The following SLC37A2 variants were observed in gnomAD, a reference collection of about 807,000 sequenced individuals.
SLC37A2 encodes the protein solute carrier family 37 member 2.
SLC37A2 carries 59 observed loss-of-function variants against 70.7 expected under a neutral mutation model. The ratio of observed to expected loss-of-function variants is 0.83; its 90% CI spans 0.68 to 1.04. The LOEUF (loss-of-function observed/expected upper bound fraction) is 1.04. SLC37A2 is among the 50% of genes least tolerant of loss of function. The pLI is 0.00. For missense variants in SLC37A2, 580 were observed against 658.1 expected, an observed-to-expected ratio of 0.88 and a Z score of 1.30; for synonymous variants, 257 against 262.1, an observed-to-expected ratio of 0.98 and a Z score of 0.19.
chr11:125,075,755 G>A (rs1421080969), intron 1 of SLC37A2, among the ~76,000 whole-genome samples: 4 of 152,216 alleles, frequency 2.6e-5, no homozygotes, highest in Non-Finnish European at 4.4e-5. Context: ...CTGGGGTGTG[G>A]AGGAGGATTC....
In SLC37A2 at chr11:125,071,963, T is replaced by C. The variant is rs140360879; in HGVS notation, c.60-4794T>C. ...AGAACAGTCACGTCCGAGAAGAGAC[T>C]ACTGAATCCATTTTCTCTGGACAAG... On this transcript the variant is annotated intron_variant, in intron 1 of 17. Transcript: ENST00000403796. Among the ~76,000 whole-genome samples, 23 of 152,270 alleles carry C rather than the reference T, an allele frequency of 1.5e-4. No homozygotes were observed. In the East Asian group the frequency reaches 3.9e-3, roughly 26 times the overall value.
intron 17 of SLC37A2, chr11:125,086,746 T>C (rs1422702453): frequency 6.4e-5 from 15 of 233,350 alleles, no homozygotes; most frequent in Non-Finnish European, 1.3e-4. Context: ...GGTCAGTGGC[T>C]GAGGCTACAC....
At position 125,083,858 on chromosome 11, in the gene SLC37A2, C is replaced by T. The variant is rs771588739; in HGVS notation, c.1020C>T (p.Phe340=). 11 of 1,614,142 alleles carry T rather than the reference C, an allele frequency of 6.8e-6. No homozygotes were observed. Among genetic ancestry groups the T allele is most frequent in the Admixed American group, 3.3e-5 (2 of 60,020 alleles). The stretch of plus-strand genomic sequence containing the variant: ...AGGCTGGGGACCTGTCTACACTCTT[C>T]GATGTTGGTGGCATCATAGGTGAGG... The part of the protein sequence containing the change: ...AKEAGDLSTL[F]DVGGIIGGIV... The change falls in exon 11 of 18, where the codon TTC becomes TTT. Residue 340 remains phenylalanine, a synonymous_variant. Coordinates refer to ENST00000403796, the MANE Select transcript of SLC37A2 (RefSeq NM_001145290.2). The surrounding 1 kb of genome is among the most constrained non-coding windows in gnomAD (Gnocchi z 4.6).
chr11:125,068,129 C>A (rs1289510033), intron 1 of SLC37A2, among the ~76,000 whole-genome samples: 1 of 152,172 alleles, frequency 6.6e-6, no homozygotes, highest in East Asian at 1.9e-4. Context: ...TCACACTTCT[C>A]AAGGTGTGAA....
intron 1 of SLC37A2, among the ~76,000 whole-genome samples, chr11:125,075,773 G>A (rs538436359): frequency 1.4e-4 from 21 of 152,330 alleles, no homozygotes; most frequent in African/African-American, 2.6e-4. Flanking sequence ...TTCCTAGGCC[G>A]AGGGAGCATC....
intron 1 of SLC37A2, among the ~76,000 whole-genome samples, chr11:125,074,886 ACAT>A (rs1949067036): frequency 6.6e-6 from 1 of 152,334 alleles, no homozygotes; most frequent in African/African-American, 2.4e-5. Flanking sequence ...CAGTGGCCAA[ACAT>A]CATGGCAGAG....
chr11:125,071,088 C>A (rs1949024930), intron 1 of SLC37A2, among the ~76,000 whole-genome samples: 1 of 152,140 alleles, frequency 6.6e-6, no homozygotes, highest in South Asian at 2.1e-4. Context: ...TCCCTGAAGC[C>A]CAGGACCTCC....
intron 17 of SLC37A2, 58 bp downstream of exon 17, chr11:125,086,076 C>T (rs1949211985): frequency 6.3e-7 from 1 of 1,575,166 alleles, no homozygotes; most frequent in Non-Finnish European, 8.7e-7. Context: ...TGGGAATCAG[C>T]CCAGCGCTCA....
In SLC37A2 at chr11:125,089,312, A is replaced by C. The variant is rs1392737236; in HGVS notation, c.*1178A>C. ...GCATGGGGTGCTGAAGTGGGGTCTC[A>C]GTGAGGGGTGACAGCGTGCTGGCAG... On this transcript the variant is annotated 3_prime_UTR_variant, in exon 18 of 18. Transcript: ENST00000403796. 6.5e-6 allele frequency: 1 copy of C among 154,106 alleles called. No homozygotes were observed. The highest frequency in any genetic ancestry group is 2.4e-5 in the African/African-American group (1 of 41,472). The allele number at this position is 154,106 out of a possible 1,614,324, so 9.5% of individuals were successfully genotyped here.
At chr11:125,072,460 G>A (rs1949038120) in intron 1 of SLC37A2, among the ~76,000 whole-genome samples, 1 of 152,160 alleles carries the variant, frequency 6.6e-6, no homozygotes, top group African/African-American at 2.4e-5. Context: ...GAGCAGCCGG[G>A]GGCCTTCCCC....
At chr11:125,069,572 A>T (rs1949009877) in intron 1 of SLC37A2, among the ~76,000 whole-genome samples, 1 of 152,228 alleles carries the variant, frequency 6.6e-6, no homozygotes, top group Non-Finnish European at 1.5e-5. Context: ...AATCATCTCC[A>T]TTAGGAGAAG....
At position 125,082,245 on chromosome 11, in the gene SLC37A2, G is replaced by A. The variant is rs773936274; in HGVS notation, c.887G>A (p.Gly296Asp). ...TGTGCCCCCTGTTGCACTCCCCAGG[G>A]CGTGGTCGAGTTCTCTCTGTGTCTG... is the stretch of plus-strand genomic sequence containing the variant. ...ISFFGALRIPGVVEFSLCLLF... is the reference protein window; with the variant it reads ...ISFFGALRIPDVVEFSLCLLF... The change falls in exon 10 of 18, where the codon GGC (glycine) becomes GAC (aspartate). Residue 296 changes from glycine to aspartate, a missense_variant and splice_region_variant. Physicochemically the swap from Gly to Asp is moderately conservative, Grantham distance 94. Coordinates refer to ENST00000403796, the MANE Select transcript of SLC37A2 (RefSeq NM_001145290.2). 3.1e-6 allele frequency: 5 copies of A among 1,613,810 alleles called. No homozygotes were observed. In the African/African-American group the frequency reaches 5.3e-5, roughly 17 times the overall value.
chr11:125,069,977 G>A (rs937449041), intron 1 of SLC37A2, among the ~76,000 whole-genome samples: 1 of 152,240 alleles, frequency 6.6e-6, no homozygotes, highest in African/African-American at 2.4e-5. Flanking sequence ...GGTGCGTCTG[G>A]GGGCAGCTGG....
chr11:125,083,770 T>C lies in SLC37A2; in HGVS notation c.977-45T>C. On this transcript the variant is annotated intron_variant, in intron 10 of 17. Transcript: ENST00000403796. The surrounding 1 kb of genome is among the most constrained non-coding windows in gnomAD (Gnocchi z 4.6). ...TTCTAGCTGTGACACTCCAGGATGTTTGCCCCAAACCCCAGGTCTGACCAC... is the reference window on the plus strand; with the variant it reads ...TTCTAGCTGTGACACTCCAGGATGTCTGCCCCAAACCCCAGGTCTGACCAC... 1 of 1,564,004 alleles carries C rather than the reference T, an allele frequency of 6.4e-7. No individual in the cohort carries two copies.
intron 2 of SLC37A2, 76 bp downstream of exon 2, chr11:125,076,914 G>A: frequency 7.0e-7 from 1 of 1,424,004 alleles, no homozygotes; most frequent in South Asian, 1.2e-5. Context: ...CATGGCCACC[G>A]AGGTTGCACC....
At chr11:125,067,935 G>C (rs918309830) in intron 1 of SLC37A2, among the ~76,000 whole-genome samples, 14 of 152,126 alleles carry the variant, frequency 9.2e-5, no homozygotes, top group African/African-American at 3.4e-4. Flanking sequence ...TGCCACGATT[G>C]TTCCTAGTAG....
At chr11:125,077,592 A>T in intron 4 of SLC37A2, 64 bp downstream of exon 4, 1 of 1,327,118 alleles carries the variant, frequency 7.5e-7, no homozygotes, top group Non-Finnish European at 1.1e-6. Context: ...CCTCCCCTTA[A>T]GGAACCTGGG....
chr11:125,079,591 C>T (rs543031043), intron 5 of SLC37A2, 93 bp from the exon 6 acceptor site: 20 of 1,020,416 alleles, frequency 2.0e-5, no homozygotes, highest in East Asian at 1.3e-4. Flanking sequence ...CCCTTGGCCA[C>T]GAAATTGAAC....
intron 4 of SLC37A2, among the ~76,000 whole-genome samples, chr11:125,077,822 C>T (rs1314181272): frequency 6.6e-6 from 1 of 152,198 alleles, no homozygotes; most frequent in Non-Finnish European, 1.5e-5. Flanking sequence ...AATGGCCCTG[C>T]GTGCACATAT....
Sources: gnomAD v4.1 joint callset for allele counts (sites outside exome capture counted in the v4.1 genomes callset) on GRCh38, gnomAD v4.1.1 for gene constraint, Gnocchi (gnomAD v3.1) non-coding constraint, MANE v1.5 for transcripts, NCBI Gene and HGNC (gene_info 2026-07-23, HGNC 2026-07-21) for gene names.